ZNF568: variants seen among roughly 807,000 people sequenced by gnomAD.
ZNF568 encodes the protein p53 inhibitor of SCO2 activation.
In ZNF568, 11 loss-of-function variants were observed where a neutral mutation model predicts 18.1. The observed-to-expected ratio is 0.61, with a 90% CI of 0.38 to 1.00. The LOEUF is 1.00. Among genes scored for constraint, ZNF568 ranks in the 50% least tolerant of loss-of-function variants. The pLI, the probability that ZNF568 is intolerant of heterozygous loss-of-function variation, is 0.01. For synonymous variants in ZNF568, 213 were observed against 246.6 expected, an observed-to-expected ratio of 0.86 and a Z score of 1.28; for missense variants, 639 against 768.2, an observed-to-expected ratio of 0.83 and a Z score of 1.99.
intron 4 of ZNF568, chr19:36,931,727 T>G (rs970618184): frequency 2.0e-5 from 3 of 152,190 alleles, no homozygotes; most frequent in Non-Finnish European, 4.4e-5. Context: ...TTAAAAAAAC[T>G]TTATTAACAT....
At chr19:36,956,600 ACTT>A (rs2074109121), downstream of ZNF568, among the ~76,000 whole-genome samples, 1 of 150,708 alleles carries the variant, frequency 6.6e-6, no homozygotes. Context: ...TTTAAAAAAA[ACTT>A]TTTTTTTTTT....
Position 36,950,717 on chromosome 19 carries a change from A to G in ZNF568, c.1564A>G (p.Lys522Glu). The G allele has an allele frequency of 6.2e-7, 1 of 1,613,836 alleles. No homozygotes were observed. The highest frequency in any genetic ancestry group is 1.1e-5 in the South Asian group (1 of 91,054). ...GAAATCAAACCTCACTGAACATGAG[A>G]AAATTCATACTGGAGAGAAACCTTA... Reference protein sequence around the residue: ...SQKSNLTEHEKIHTGEKPYHC... With the variant: ...SQKSNLTEHEEIHTGEKPYHC... The change falls in exon 7 of 7, where the codon AAA becomes GAA. Residue 522 changes from lysine (K) to glutamate (E), a missense_variant. Transcript: ENST00000333987.
chr19:36,982,597 T>C (rs994478915), downstream of ZNF568, among the ~76,000 whole-genome samples: 2 of 151,964 alleles, frequency 1.3e-5, no homozygotes, highest in African/African-American at 4.8e-5. Context: ...TCCTAGCTAT[T>C]TGGAAGGCTG....
chr19:36,928,775 C>A (rs1472646056), intron 4 of ZNF568, among the ~76,000 whole-genome samples: 2 of 151,654 alleles, frequency 1.3e-5, no homozygotes, highest in Non-Finnish European at 2.9e-5. Context: ...AGAAAAAAAC[C>A]CGAAAGAAAA....
exon 5 of ZNF568, chr19:36,997,104 A>G: frequency 6.4e-7 from 1 of 1,566,432 alleles, no homozygotes; most frequent in South Asian, 1.2e-5. Flanking sequence ...TTCATCAGAT[A>G]ATCCATACTG....
intron 4 of ZNF568, among the ~76,000 whole-genome samples, chr19:36,934,917 A>G (rs1414226149): frequency 6.7e-6 from 1 of 149,688 alleles, no homozygotes; most frequent in Admixed American, 6.7e-5. Flanking sequence ...TACTTTACAC[A>G]ATTCTCTTAA....
At chr19:36,991,925 G>A in intron 4 of ZNF568, 2 of 1,148,540 alleles carry the variant, frequency 1.7e-6, no homozygotes, top group Non-Finnish European at 2.4e-6. Context: ...GCACTTCAGG[G>A]ATTTTGGTAG....
At chr19:36,975,060 C>G (rs1159409115) in intron 7 of ZNF568, among the ~76,000 whole-genome samples, 1 of 151,406 alleles carries the variant, frequency 6.6e-6, no homozygotes, top group Non-Finnish European at 1.5e-5. Context: ...CTCCTTAACT[C>G]AGGCAATCCA....
exon 5 of ZNF568, chr19:36,997,044 T>C (rs2074481460): frequency 1.9e-6 from 3 of 1,564,626 alleles, no homozygotes; most frequent in Non-Finnish European, 2.6e-6. Flanking sequence ...AGAAACCCCA[T>C]AAATGTAAGG....
intron 6 of ZNF568, among the ~76,000 whole-genome samples, chr19:36,962,279 T>TATTTA (rs1555736280): frequency 1.8e-5 from 1 of 57,024 alleles, no homozygotes; most frequent in African/African-American, 7.8e-5. Context: ...GTTGCAGTGT[T>TATTTA]TTTTTTTTTT....
downstream of ZNF568, chr19:36,997,309 T>C: frequency 1.2e-6 from 2 of 1,602,496 alleles, no homozygotes; most frequent in South Asian, 2.2e-5. Context: ...GTGTAAGGAA[T>C]GTGGGAAGTC....
At chr19:36,968,867 T>TC (rs2074215013) in intron 6 of ZNF568, among the ~76,000 whole-genome samples, 1 of 151,716 alleles carries the variant, frequency 6.6e-6, no homozygotes, top group Non-Finnish European at 1.5e-5. Context: ...AGTTCTTTTT[T>TC]TTTTTCTTTT....
intron 6 of ZNF568, among the ~76,000 whole-genome samples, chr19:36,965,565 A>T (rs1033987887): frequency 6.6e-6 from 1 of 152,258 alleles, no homozygotes; most frequent in African/African-American, 2.4e-5. Flanking sequence ...CATTCTTATA[A>T]GCATGGACAG....
chr19:36,950,687 A>T lies in ZNF568; in HGVS notation c.1534A>T (p.Ser512Cys). The change falls in exon 7 of 7, where the codon AGT (serine) becomes TGT (cysteine). Residue 512 changes from serine (S) to cysteine (C), a missense_variant. Ser to Cys is a moderately radical substitution (Grantham distance 112). Transcript: ENST00000333987. ...ATGTACAGTATGTGGAAAAGCCTTT[A>T]GTCAGAAATCAAACCTCACTGAACA... ...YACTVCGKAF[S>C]QKSNLTEHEK... 1 of 1,613,920 alleles carries T rather than the reference A, an allele frequency of 6.2e-7. No individual in the cohort carries two copies. Among genetic ancestry groups the T allele is most frequent in the Non-Finnish European group, 8.5e-7 (1 of 1,179,966 alleles).
chr19:36,978,026 G>A (rs2074299756), intron 7 of ZNF568, among the ~76,000 whole-genome samples: 1 of 152,108 alleles, frequency 6.6e-6, no homozygotes, highest in African/African-American at 2.4e-5. Context: ...TATGCCCTAG[G>A]GCCTCACTCC....
chr19:36,968,589 A>C (rs1233664039), intron 6 of ZNF568, among the ~76,000 whole-genome samples: 3 of 151,238 alleles, frequency 2.0e-5, no homozygotes, highest in African/African-American at 4.8e-5. Flanking sequence ...ATGATTGTTA[A>C]AAAAGAGGAG....
At chr19:36,984,738 C>G (rs921036484), downstream of ZNF568, among the ~76,000 whole-genome samples, 2 of 151,618 alleles carry the variant, frequency 1.3e-5, no homozygotes, top group Non-Finnish European at 2.9e-5. Context: ...GGTGTTTTAC[C>G]CTCACACTGG....
intron 4 of ZNF568, 25 bp downstream of exon 4, chr19:36,925,283 T>C: frequency 6.2e-7 from 1 of 1,610,662 alleles, no homozygotes; most frequent in African/African-American, 1.3e-5. Flanking sequence ...TTTATTTGTT[T>C]CCTGCATTAT....
intron 2 of ZNF568, among the ~76,000 whole-genome samples, chr19:36,987,109 C>A (rs1481713646): frequency 6.6e-6 from 1 of 152,184 alleles, no homozygotes. Context: ...GCACCAGGAA[C>A]TTAAAGTGCT....
Sources: allele counts gnomAD v4.1 joint callset (sites outside exome capture counted in the v4.1 genomes callset), GRCh38; gene constraint gnomAD v4.1.1; transcripts MANE v1.5; gene names NCBI Gene and HGNC (gene_info 2026-07-23, HGNC 2026-07-21).